MRPL19: variants seen among roughly 807,000 people sequenced by gnomAD.
The protein encoded by MRPL19 is large ribosomal subunit protein bL19m.
A neutral mutation model predicts 34.0 loss-of-function variants in MRPL19; 31 were observed. That is an observed-to-expected ratio of 0.91 (90% confidence interval 0.68 to 1.23). The LOEUF (loss-of-function observed/expected upper bound fraction) is 1.23. MRPL19 is among the 50% of genes most tolerant of loss of function. MRPL19 has a pLI of 0.00. For missense variants in MRPL19, 384 were observed against 367.6 expected (o/e 1.04, Z -0.37); for synonymous variants, 152 against 127.7 (o/e 1.19, Z -1.28).
At position 75,656,165 on chromosome 2, in the gene MRPL19, CAA is replaced by C. The variant is rs1211648991; in HGVS notation, c.*882_*883del. 2 of 152,168 alleles carry C rather than the reference CAA, an allele frequency of 1.3e-5. No homozygotes were observed. The highest frequency in any genetic ancestry group is 4.8e-5 in the African/African-American group (2 of 41,448). 9.4% of individuals were successfully genotyped at this position (152,168 alleles called of 1,614,324 possible). On this transcript the variant is annotated 3_prime_UTR_variant, in exon 6 of 6. Coordinates refer to ENST00000393909, the MANE Select transcript of MRPL19 (RefSeq NM_014763.4). ...TTTTGATGCTCACAGCATGATGAAT[CAA>C]ACTCTGTATCTTAGGATTAGGTTAA...
At position 75,654,885 on chromosome 2, in the gene MRPL19, C is replaced by A; in HGVS notation, c.625C>A (p.Gln209Lys). 1.2e-6 allele frequency: 2 copies of A among 1,613,616 alleles called. No individual in the cohort carries two copies. Among genetic ancestry groups the A allele is most frequent in the Non-Finnish European group, 1.7e-6 (2 of 1,179,814 alleles). Residue 209 changes from glutamine (Q) to lysine (K), a missense_variant, in exon 5 of 6, where the codon CAA becomes AAA. Transcript: ENST00000393909. ...TGATGTGAATATGAAGCCAGTAGTA[C>A]AAGAGCCTAACCAAAAAGTTCCTGT... ...TFDVNMKPVV[Q>K]EPNQKVPVNE... is the part of the protein sequence containing the mutation.
In MRPL19 at chr2:75,658,062, C is replaced by T. The variant is rs1226913398; in HGVS notation, c.*2777C>T. Among the ~76,000 whole-genome samples, 1 of 152,072 alleles carries T rather than the reference C, an allele frequency of 6.6e-6. No homozygotes were observed. Among genetic ancestry groups the T allele is most frequent in the African/African-American group, 2.4e-5 (1 of 41,408 alleles). On this transcript the variant is annotated 3_prime_UTR_variant, in exon 6 of 6. Transcript: ENST00000393909. ...CTCATTCCTGTATCTCTCCCAACCC[C>T]AGGTAACCTCAAATCTTTCTTTTTA...
rs1262587526 is a variant in MRPL19, at chr2:75,657,450, TTATA to T, written c.*2168_*2171del. ...CTTCCTTGATCTTTTTCACTAATGA[TTATA>T]TAGTCATCTAACTACTGTCAACAAG... is the stretch of plus-strand genomic sequence containing the variant. On this transcript the variant is annotated 3_prime_UTR_variant, in exon 6 of 6. Coordinates refer to ENST00000393909, the MANE Select transcript of MRPL19 (RefSeq NM_014763.4). 2 of 152,114 alleles carry T rather than the reference TTATA, an allele frequency of 1.3e-5. No homozygotes were observed. The highest frequency in any genetic ancestry group is 2.9e-5 in the Non-Finnish European group (2 of 68,006). The allele number at this position is 152,114 out of a possible 1,614,324, so 9.4% of individuals were successfully genotyped here.
Position 75,656,748 on chromosome 2 carries a change from A to G in MRPL19, c.*1463A>G, listed in dbSNP as rs1196016581. The stretch of plus-strand genomic sequence containing the variant: ...TCTTGGTGTGGGTCTATATTTATCC[A>G]TTGTATTGGGTTTTAGGTGAACCCT... On this transcript the variant is annotated 3_prime_UTR_variant, in exon 6 of 6. Transcript: ENST00000393909. 1 of 152,016 alleles carries G rather than the reference A, an allele frequency of 6.6e-6. No homozygotes were observed. The highest frequency in any genetic ancestry group is 2.1e-4 in the South Asian group (1 of 4,816). 9.4% of individuals were successfully genotyped at this position (152,016 alleles called of 1,614,324 possible). A position where few individuals can be genotyped will look rare whatever the true frequency, so the allele number is the denominator to read the frequency against.
In MRPL19 at chr2:75,652,123, T is replaced by A. The variant is rs1471142256; in HGVS notation, c.222-19T>A. On this transcript the variant is annotated intron_variant, in intron 2 of 5. Transcript: ENST00000393909. ...GCCTTTTGAGTTTACTTTTAATTAT[T>A]TATTTGTATTTTTTACAGGTTCTTG... 1 of 1,426,022 alleles carries A rather than the reference T, an allele frequency of 7.0e-7. No individual in the cohort carries two copies. The highest frequency in any genetic ancestry group is 9.6e-7 in the Non-Finnish European group (1 of 1,045,330). The allele number at this position is 1,426,022 out of a possible 1,614,324, so 88.3% of individuals were successfully genotyped here.
intron 2 of MRPL19, among the ~76,000 whole-genome samples, chr2:75,648,032 C>T (rs1421958818): frequency 6.6e-6 from 1 of 151,958 alleles, no homozygotes; most frequent in Non-Finnish European, 1.5e-5. Flanking sequence ...ACTACTGGTA[C>T]CACGCCTGGC....
chr2:75,647,146 G>C lies in MRPL19; in HGVS notation c.148G>C (p.Glu50Gln), dbSNP rs201335545. 54 of 1,579,284 alleles carry C rather than the reference G, an allele frequency of 3.4e-5. No individual in the cohort carries two copies. The Admixed American group carries it at 4.1e-4, about 12-fold the overall frequency. ...PVRQQSTGPS[E>Q]PGAFQPPPKP... ...CCGGCAGCAGAGCACTGGGCCTTCC[G>C]AGCCCGGTGCGTTCCAACCGCCGCC... The change falls in exon 2 of 6, where the codon GAG (glutamate) becomes CAG (glutamine). Residue 50 changes from glutamate (E) to glutamine (Q), a missense_variant. By Grantham distance (29) the Glu-to-Gln change is conservative. Coordinates refer to ENST00000393909, the MANE Select transcript of MRPL19 (RefSeq NM_014763.4).
intron 2 of MRPL19, chr2:75,647,568 A>T: frequency 5.1e-6 from 1 of 196,178 alleles, no homozygotes; most frequent in Non-Finnish European, 1.0e-5. Context: ...AAGACCCTTA[A>T]CCCTGGATAG....
rs1678514657 is a variant in MRPL19, at chr2:75,658,421, T to G, written c.*3136T>G. ...CCATCTTCTGATGAACACTGGGATA[T>G]GTCTACCTTTTGGCTATTGTGAATA... On this transcript the variant is annotated 3_prime_UTR_variant, in exon 6 of 6. Transcript: ENST00000393909. 6.6e-6 allele frequency among the ~76,000 whole-genome samples: 1 copy of G among 152,188 alleles called. No homozygotes were observed. The highest frequency in any genetic ancestry group is 6.5e-5 in the Admixed American group (1 of 15,270).
chr2:75,652,492 A>G, intron 3 of MRPL19, 31 bp from the exon 4 acceptor site: 1 of 1,602,068 alleles, frequency 6.2e-7, no homozygotes, highest in Non-Finnish European at 8.5e-7. Context: ...GTGTGCTGAA[A>G]AAAAAGTTCA....
intron 2 of MRPL19, 80 bp from the exon 3 acceptor site, chr2:75,652,062 T>C: frequency 1.3e-6 from 1 of 762,434 alleles, no homozygotes; most frequent in East Asian, 2.6e-5. Flanking sequence ...ATATCATATT[T>C]AATTTCTTTG....
chr2:75,653,240 A>G (rs3771876), intron 4 of MRPL19, among the ~76,000 whole-genome samples: 76,148 of 151,600 alleles, frequency 0.5, 20,578 homozygotes, highest in African/African-American at 0.73. Flanking sequence ...ATGAAGTTCC[A>G]ACAACAAAGT....
chr2:75,651,228 C>T (rs570694812), intron 2 of MRPL19: 2 of 432,284 alleles, frequency 4.6e-6, no homozygotes, highest in Admixed American at 2.6e-5. Flanking sequence ...AACCCAAATC[C>T]CTCCCACCCG....
At chr2:75,651,798 G>C (rs1678337658) in intron 2 of MRPL19, among the ~76,000 whole-genome samples, 1 of 152,214 alleles carries the variant, frequency 6.6e-6, no homozygotes, top group South Asian at 2.1e-4. Flanking sequence ...ATCTTGATTT[G>C]ACAGATTTAT....
chr2:75,647,544 T>C, intron 2 of MRPL19: 1 of 229,000 alleles, frequency 4.4e-6, no homozygotes, highest in Non-Finnish European at 8.5e-6. Context: ...CCAAGAGCTC[T>C]TCTTTTCTCT....
rs1007169046 is a variant in MRPL19, at chr2:75,652,084, T to A, written c.222-58T>A. The A allele has an allele frequency of 9.8e-6, 10 of 1,015,376 alleles. No homozygotes were observed. In the African/African-American group the frequency reaches 1.6e-4, roughly 17 times the overall value. The allele number at this position is 1,015,376 out of a possible 1,614,324, so 62.9% of individuals were successfully genotyped here. On this transcript the variant is annotated intron_variant, in intron 2 of 5. Transcript: ENST00000393909. Reference sequence around the variant, plus strand: ...ATTTAATTTCTTTGAAAAGCAACAATTTTTCTTCTAGCAGCCTTTTGAGTT... The same window carrying A: ...ATTTAATTTCTTTGAAAAGCAACAAATTTTCTTCTAGCAGCCTTTTGAGTT...
intron 2 of MRPL19, among the ~76,000 whole-genome samples, chr2:75,650,162 C>T (rs575939190): frequency 3.0e-4 from 46 of 151,970 alleles, no homozygotes; most frequent in Middle Eastern, 3.4e-3. Flanking sequence ...CAGGGGCTTC[C>T]ACAATATTGA....
chr2:75,655,225 T>C lies in MRPL19; in HGVS notation c.819T>C (p.Tyr273=). 3 of 1,613,502 alleles carry C rather than the reference T, an allele frequency of 1.9e-6. No homozygotes were observed. The highest frequency in any genetic ancestry group is 3.3e-4 in the Middle Eastern group (2 of 6,052). The change falls in exon 6 of 6, where the codon TAT becomes TAC. Residue 273 remains tyrosine, a synonymous_variant. Coordinates refer to ENST00000393909, the MANE Select transcript of MRPL19 (RefSeq NM_014763.4). ...PWLEFDMMRE[Y]DTSKIEAAIW... ...TTGAATTTGATATGATGAGGGAATA[T>C]GATACTTCAAAAATTGAAGCTGCAA...
chr2:75,659,571 C>A lies in MRPL19; in HGVS notation c.*4286C>A, dbSNP rs1033499807. ...GCAGGGCAAGTCTAATTGTAATAAACTCCCTCAGCTTTTGTTTTATCTGAG... is the reference window on the plus strand; with the variant it reads ...GCAGGGCAAGTCTAATTGTAATAAAATCCCTCAGCTTTTGTTTTATCTGAG... On this transcript the variant is annotated 3_prime_UTR_variant, in exon 6 of 6. Coordinates refer to ENST00000393909, the MANE Select transcript of MRPL19 (RefSeq NM_014763.4). 6.6e-6 allele frequency among the ~76,000 whole-genome samples: 1 copy of A among 152,146 alleles called. No homozygotes were observed.
Sources: gnomAD v4.1 joint callset for allele counts (sites outside exome capture counted in the v4.1 genomes callset) on GRCh38, gnomAD v4.1.1 for gene constraint, MANE v1.5 for transcripts, NCBI Gene and HGNC (gene_info 2026-07-23, HGNC 2026-07-21) for gene names.